RFC3: variants seen among roughly 807,000 people sequenced by gnomAD.
The protein encoded by RFC3 is replication factor C subunit 3, also known as A1 38 kDa subunit.
Under a neutral mutation model 45.1 loss-of-function variants are expected in RFC3, and 41 were observed. The observed-to-expected ratio is 0.91, with a 90% CI of 0.71 to 1.18. The LOEUF is 1.18. RFC3 is among the 50% of genes most tolerant of loss of function. RFC3 has a pLI of 0.00. For missense variants in RFC3, 423 were observed against 428.1 expected (o/e 0.99, Z 0.10); for synonymous variants, 149 against 144.0 (o/e 1.03, Z -0.25).
chr13:33,946,780 G>C (rs1193363369), intron 8 of RFC3, among the ~76,000 whole-genome samples: 1 of 152,160 alleles, frequency 6.6e-6, no homozygotes, highest in Non-Finnish European at 1.5e-5. Flanking sequence ...AGATATTATG[G>C]ATATTATTCT....
intron 8 of RFC3, among the ~76,000 whole-genome samples, chr13:33,938,213 G>C (rs1302073026): frequency 9.4e-6 from 1 of 106,108 alleles, no homozygotes; most frequent in South Asian, 3.5e-4. Flanking sequence ...AAAAAAGTAA[G>C]AGTTGAAAAT....
chr13:33,935,263 T>A (rs754893449), intron 8 of RFC3, among the ~76,000 whole-genome samples: 1 of 152,170 alleles, frequency 6.6e-6, no homozygotes, highest in Non-Finnish European at 1.5e-5. Context: ...AAAAATGCCA[T>A]CAACTTCCTA....
chr13:33,833,897 A>G (rs1348764875), intron 7 of RFC3, among the ~76,000 whole-genome samples: 2 of 152,042 alleles, frequency 1.3e-5, no homozygotes, highest in African/African-American at 4.8e-5. Flanking sequence ...TGTTGTGGGG[A>G]ATTAATAGTG....
chr13:33,847,905 G>A (rs2082249877), intron 8 of RFC3: 1 of 151,658 alleles, frequency 6.6e-6, no homozygotes, highest in African/African-American at 2.4e-5. Context: ...GTATTTTTTC[G>A]CCTACATCTT....
intron 8 of RFC3, among the ~76,000 whole-genome samples, chr13:33,905,235 A>C (rs2082665031): frequency 6.7e-6 from 1 of 150,244 alleles, no homozygotes; most frequent in African/African-American, 2.5e-5. Flanking sequence ...TGATGTTAGA[A>C]ATTGTTCTGT....
At chr13:33,951,536 A>G (rs1055177343) in intron 8 of RFC3, among the ~76,000 whole-genome samples, 1 of 152,026 alleles carries the variant, frequency 6.6e-6, no homozygotes, top group African/African-American at 2.4e-5. Context: ...CCAGCTGTAA[A>G]TAACTTTTTT....
At chr13:33,942,153 T>C (rs1440823085) in intron 8 of RFC3, among the ~76,000 whole-genome samples, 3 of 152,136 alleles carry the variant, frequency 2.0e-5, no homozygotes, top group Non-Finnish European at 4.4e-5. Context: ...ATCTAATGCC[T>C]GCATCACTTG....
intron 8 of RFC3, among the ~76,000 whole-genome samples, chr13:33,884,136 G>A (rs144606513): frequency 1.1e-4 from 17 of 152,310 alleles, no homozygotes; most frequent in Admixed American, 9.2e-4. Context: ...CACCTATAAC[G>A]TGGAAACCTG....
intron 8 of RFC3, among the ~76,000 whole-genome samples, chr13:33,890,964 G>C (rs2082559856): frequency 6.6e-6 from 1 of 152,154 alleles, no homozygotes; most frequent in African/African-American, 2.4e-5. Context: ...ATATTATTGG[G>C]TATCAATCAC....
At chr13:33,818,980 T>C (rs2081976225) in intron 1 of RFC3, among the ~76,000 whole-genome samples, 2 of 138,358 alleles carry the variant, frequency 1.4e-5, no homozygotes, top group Non-Finnish European at 3.1e-5. Context: ...AACCTCCGCC[T>C]CACGGGTTCA....
At chr13:33,890,848 C>CTT (rs1461267492) in intron 8 of RFC3, among the ~76,000 whole-genome samples, 1 of 152,120 alleles carries the variant, frequency 6.6e-6, no homozygotes, top group African/African-American at 2.4e-5. Context: ...AATGGGATTC[C>CTT]TTAATCCATT....
intron 8 of RFC3, among the ~76,000 whole-genome samples, chr13:33,835,621 C>T (rs905016581): frequency 2.6e-5 from 4 of 152,110 alleles, no homozygotes; most frequent in South Asian, 2.1e-4. Flanking sequence ...GAAACAAGTA[C>T]GTGTATATAT....
At chr13:33,929,296 C>T (rs979295066) in intron 8 of RFC3, among the ~76,000 whole-genome samples, 5 of 152,106 alleles carry the variant, frequency 3.3e-5, no homozygotes, top group African/African-American at 1.2e-4. Context: ...CCAACCACAG[C>T]CAGTACACTT....
Position 33,888,264 on chromosome 13 carries a change from C to G in RFC3, c.879+53047C>G, listed in dbSNP as rs537127117. 3.3e-5 allele frequency among the ~76,000 whole-genome samples: 5 copies of G among 152,274 alleles called. No individual in the cohort carries two copies. The East Asian group carries it at 9.6e-4, about 29-fold the overall frequency. ...GTTCAGGGGGCACCATTACATACAA[C>G]GTGAATGGTGCTTCTTGGAGTTTTA... On this transcript the variant is annotated intron_variant, in intron 8 of 8. Coordinates refer to the RFC3 transcript ENST00000434425.
chr13:33,910,416 A>G (rs116008564), intron 8 of RFC3, among the ~76,000 whole-genome samples: 1,887 of 152,226 alleles, frequency 0.012, 27 homozygotes, highest in African/African-American at 0.043. Context: ...GGCACATAGT[A>G]AGCACTCATG....
chr13:33,965,563 A>T (rs1161002856), intron 8 of RFC3, among the ~76,000 whole-genome samples: 1 of 152,174 alleles, frequency 6.6e-6, no homozygotes, highest in Non-Finnish European at 1.5e-5. Context: ...AAGCAATGTA[A>T]GACTGTATGT....
intron 8 of RFC3, among the ~76,000 whole-genome samples, chr13:33,949,240 T>A (rs2082973791): frequency 6.6e-6 from 1 of 152,120 alleles, no homozygotes; most frequent in Non-Finnish European, 1.5e-5. Context: ...TTCCCCCACT[T>A]GCACTCATTC....
chr13:33,863,535 C>T (rs2082354938), intron 8 of RFC3, among the ~76,000 whole-genome samples: 1 of 152,184 alleles, frequency 6.6e-6, no homozygotes, highest in Non-Finnish European at 1.5e-5. Flanking sequence ...CATTCTCATT[C>T]CCATCAGTCT....
In RFC3 at chr13:33,818,282, C is replaced by G. The variant is rs1269650747; in HGVS notation, c.87+17C>G. 12 of 1,610,780 alleles carry G rather than the reference C, an allele frequency of 7.4e-6. No homozygotes were observed. The highest frequency in any genetic ancestry group is 1.0e-5 in the Non-Finnish European group (12 of 1,178,030). ...CGGAACCTGGTGAGTCTGCGGGGGCCGGGAGCGTGGGAGAGGGGAGGCCCC... is the reference window on the plus strand; with the variant it reads ...CGGAACCTGGTGAGTCTGCGGGGGCGGGGAGCGTGGGAGAGGGGAGGCCCC... On this transcript the variant is annotated intron_variant, in intron 1 of 8. Coordinates refer to ENST00000380071, the MANE Select transcript of RFC3 (RefSeq NM_002915.4).
Sources: allele counts gnomAD v4.1 joint callset (sites outside exome capture counted in the v4.1 genomes callset), GRCh38; gene constraint gnomAD v4.1.1; transcripts MANE v1.5; gene names NCBI Gene and HGNC (gene_info 2026-07-23, HGNC 2026-07-21).